Variants in F2RL1 observed in about 807,000 individuals in gnomAD.
F2RL1 encodes the protein F2R like trypsin receptor 1.
Under a neutral mutation model 21.7 loss-of-function variants are expected in F2RL1, and 16 were observed. The ratio of observed to expected loss-of-function variants is 0.74; its 90% CI spans 0.50 to 1.12. The LOEUF is 1.12. Ranked by LOEUF, F2RL1 falls within the 50% of genes most tolerant of loss-of-function variation. The pLI, the probability that F2RL1 is intolerant of heterozygous loss-of-function variation, is 0.00. For synonymous variants in F2RL1, 181 were observed against 186.7 expected, an observed-to-expected ratio of 0.97 and a Z score of 0.25; for missense variants, 432 against 477.8, an observed-to-expected ratio of 0.90 and a Z score of 0.89.
At chr5:76,826,219 C>T (rs1750235063) in intron 1 of F2RL1, among the ~76,000 whole-genome samples, 1 of 151,860 alleles carries the variant, frequency 6.6e-6, no homozygotes, top group South Asian at 2.1e-4. Flanking sequence ...AGATAATTTG[C>T]ACACCATACA....
rs1426256619 is a variant in F2RL1 at position 76,834,918 on chromosome 5, C to A, written c.*1117C>A. 1 of 152,192 alleles carries A rather than the reference C, an allele frequency of 6.6e-6. No homozygotes were observed. The highest frequency in any genetic ancestry group is 1.5e-5 in the Non-Finnish European group (1 of 68,010). The allele number at this position is 152,192 out of a possible 1,614,324, so 9.4% of individuals were successfully genotyped here. A position where few individuals can be genotyped will look rare whatever the true frequency, so the allele number is the denominator to read the frequency against. ...GACTTTGAATTATTTCTTTATTAAC[C>A]CTCTGAGTTTTTGTATGTATTATTA... On this transcript the variant is annotated 3_prime_UTR_variant, in exon 2 of 2. Coordinates refer to ENST00000296677, the MANE Select transcript of F2RL1 (RefSeq NM_005242.6).
Position 76,832,804 on chromosome 5 carries a change from C to T in F2RL1, c.197C>T (p.Ala66Val). 3.1e-6 allele frequency: 5 copies of T among 1,614,250 alleles called. No homozygotes were observed. Among genetic ancestry groups the T allele is most frequent in the Non-Finnish European group, 4.2e-6 (5 of 1,180,048 alleles). The change falls in exon 2 of 2, where the codon GCA (alanine) becomes GTA (valine). Residue 66 changes from alanine (A) to valine (V), a missense_variant. By Grantham distance (64) the Ala-to-Val change is moderately conservative. Coordinates refer to ENST00000296677, the MANE Select transcript of F2RL1 (RefSeq NM_005242.6). ...GTCTTTTCTGTGGATGAGTTTTCTGCATCTGTCCTCACTGGAAAACTGACC... is the reference window on the plus strand; with the variant it reads ...GTCTTTTCTGTGGATGAGTTTTCTGTATCTGTCCTCACTGGAAAACTGACC... ...ETVFSVDEFSASVLTGKLTTV... is the reference protein window; with the variant it reads ...ETVFSVDEFSVSVLTGKLTTV...
intron 1 of F2RL1, among the ~76,000 whole-genome samples, chr5:76,831,535 A>ATTTTTT (rs3053251): frequency 7.5e-6 from 1 of 134,162 alleles, no homozygotes; most frequent in Non-Finnish European, 1.6e-5. Flanking sequence ...TCCTAAACTG[A>ATTTTTT]TTTTTTTTTT....
At chr5:76,821,255 T>C (rs1750129199) in intron 1 of F2RL1, among the ~76,000 whole-genome samples, 1 of 152,190 alleles carries the variant, frequency 6.6e-6, no homozygotes, top group African/African-American at 2.4e-5. Flanking sequence ...TAGTAATTGA[T>C]AATTATTTGG....
In F2RL1 at chr5:76,832,796, G is replaced by A. The variant is rs754704702; in HGVS notation, c.189G>A (p.Glu63=). 5.0e-6 allele frequency: 8 copies of A among 1,614,106 alleles called. No individual in the cohort carries two copies. The Admixed American group carries it at 1.2e-4, about 24-fold the overall frequency. Residue 63 remains glutamate (E), a synonymous_variant, in exon 2 of 2, where the codon GAG becomes GAA. Transcript: ENST00000296677. ...VTVETVFSVD[E]FSASVLTGKL... ...TTGAAACAGTCTTTTCTGTGGATGA[G>A]TTTTCTGCATCTGTCCTCACTGGAA...
rs1750380427 is a variant in F2RL1, at chr5:76,833,080, A to G, written c.473A>G (p.Asn158Ser). The G allele has an allele frequency of 6.2e-7, 1 of 1,614,084 alleles. No homozygotes were observed. Among genetic ancestry groups the G allele is most frequent in the Non-Finnish European group, 8.5e-7 (1 of 1,180,048 alleles). ...CNVLIGFFYG[N>S]MYCSILFMTC... ...GTGCTTATTGGCTTTTTCTATGGCA[A>G]CATGTACTGTTCCATTCTCTTCATG... The change falls in exon 2 of 2, where the codon AAC becomes AGC. Residue 158 changes from asparagine (N) to serine (S), a missense_variant. By Grantham distance (46) the Asn-to-Ser change is conservative (BLOSUM62 1). Coordinates refer to ENST00000296677, the MANE Select transcript of F2RL1 (RefSeq NM_005242.6).
In F2RL1 at chr5:76,833,760, T is replaced by G; in HGVS notation, c.1153T>G (p.Ser385Ala). 1 of 1,614,022 alleles carries G rather than the reference T, an allele frequency of 6.2e-7. No individual in the cohort carries two copies. Among genetic ancestry groups the G allele is most frequent in the Non-Finnish European group, 8.5e-7 (1 of 1,180,022 alleles). Residue 385 changes from serine (S) to alanine (A), a missense_variant, in exon 2 of 2, where the codon TCT (serine) becomes GCT (alanine). Ser to Ala is a moderately conservative substitution (Grantham distance 99, BLOSUM62 1). Transcript: ENST00000296677. The stretch of plus-strand genomic sequence containing the variant: ...AAAGAAACACTCCAGGAAATCCAGC[T>G]CTTACTCTTCAAGTTCAACCACTGT... ...TSKKHSRKSSSYSSSSTTVKT... is the reference protein window; with the variant it reads ...TSKKHSRKSSAYSSSSTTVKT...
intron 1 of F2RL1, among the ~76,000 whole-genome samples, chr5:76,826,636 G>T (rs1750244414): frequency 6.6e-6 from 1 of 150,632 alleles, no homozygotes; most frequent in African/African-American, 2.4e-5. Flanking sequence ...CTCCTGAGTA[G>T]TTGGGACTGT....
chr5:76,833,439 T>G lies in F2RL1; in HGVS notation c.832T>G (p.Ser278Ala). 6.2e-7 allele frequency: 1 copy of G among 1,613,798 alleles called. No individual in the cohort carries two copies. The highest frequency in any genetic ancestry group is 8.5e-7 in the Non-Finnish European group (1 of 1,179,976). The change falls in exon 2 of 2, where the codon TCA becomes GCA. Residue 278 changes from serine to alanine, a missense_variant. By Grantham distance (99) the Ser-to-Ala change is moderately conservative. Transcript: ENST00000296677. Reference protein sequence around the residue: ...MLRSSAMDENSEKKRKRAIKL... With the variant: ...MLRSSAMDENAEKKRKRAIKL... ...GCGATCTTCTGCCATGGATGAAAAC[T>G]CAGAGAAGAAAAGGAAGAGGGCCAT...
Position 76,833,398 on chromosome 5 carries a change from T to C in F2RL1, c.791T>C (p.Leu264Pro), listed in dbSNP as rs778105912. 1.2e-6 allele frequency: 2 copies of C among 1,614,020 alleles called. No individual in the cohort carries two copies. The highest frequency in any genetic ancestry group is 2.2e-5 in the South Asian group (2 of 91,068). The stretch of plus-strand genomic sequence containing the variant: ...TTCCTCACAGCCTCTGCCTATGTGC[T>C]GATGATCAGAATGCTGCGATCTTCT... Reference protein sequence around the residue: ...PAFLTASAYVLMIRMLRSSAM... With the variant: ...PAFLTASAYVPMIRMLRSSAM... Residue 264 changes from leucine (L) to proline (P), a missense_variant, in exon 2 of 2, where the codon CTG becomes CCG. Physicochemically the swap from Leu to Pro is moderately conservative, Grantham distance 98. Coordinates refer to ENST00000296677, the MANE Select transcript of F2RL1 (RefSeq NM_005242.6).
rs1260314708 is a variant in F2RL1 at position 76,834,728 on chromosome 5, T to C, written c.*927T>C. The C allele has an allele frequency of 6.6e-6, 1 of 152,192 alleles. No individual in the cohort carries two copies. The highest frequency in any genetic ancestry group is 1.9e-4 in the East Asian group (1 of 5,196). 9.4% of individuals were successfully genotyped at this position (152,192 alleles called of 1,614,324 possible). A position where few individuals can be genotyped will look rare whatever the true frequency, so the allele number is the denominator to read the frequency against. On this transcript the variant is annotated 3_prime_UTR_variant, in exon 2 of 2. Transcript: ENST00000296677. ...TGGGAACAGGGCCCAGGAATCTGTG[T>C]GGTACAAACCTGCATGGTGTTTATG...
chr5:76,829,561 A>G (rs745429574), intron 1 of F2RL1, among the ~76,000 whole-genome samples: 14 of 152,174 alleles, frequency 9.2e-5, no homozygotes, highest in Non-Finnish European at 1.5e-4. Context: ...TTCCACAATA[A>G]CTGCACCAGT....
intron 1 of F2RL1, among the ~76,000 whole-genome samples, chr5:76,825,303 C>G (rs1750218747): frequency 6.6e-6 from 1 of 152,074 alleles, no homozygotes; most frequent in African/African-American, 2.4e-5. Flanking sequence ...CCATGCCTGG[C>G]CAGTTTCTTT....
At chr5:76,820,244 G>T (rs1331566019) in intron 1 of F2RL1, among the ~76,000 whole-genome samples, 2 of 152,200 alleles carry the variant, frequency 1.3e-5, no homozygotes, top group African/African-American at 2.4e-5. Flanking sequence ...GGCCGTGGGG[G>T]ATGTTTGACC....
intron 1 of F2RL1, among the ~76,000 whole-genome samples, chr5:76,819,809 C>G (rs889839529): frequency 2.0e-5 from 3 of 152,098 alleles, no homozygotes; most frequent in East Asian, 1.9e-4. Flanking sequence ...GCGTCCCTCT[C>G]CAACTGCTGG....
chr5:76,820,170 T>A (rs752666656), intron 1 of F2RL1, among the ~76,000 whole-genome samples: 21 of 152,144 alleles, frequency 1.4e-4, no homozygotes, highest in Non-Finnish European at 2.5e-4. Context: ...GATGTGCTGC[T>A]CCGGGTGTGC....
At chr5:76,820,789 A>G (rs1750118694) in intron 1 of F2RL1, among the ~76,000 whole-genome samples, 1 of 152,306 alleles carries the variant, frequency 6.6e-6, no homozygotes, top group Middle Eastern at 3.4e-3. Flanking sequence ...TGATTTAACA[A>G]TAAGGAAAAA....
At chr5:76,824,727 A>G (rs1750207799) in intron 1 of F2RL1, among the ~76,000 whole-genome samples, 1 of 152,292 alleles carries the variant, frequency 6.6e-6, no homozygotes, top group Admixed American at 6.5e-5. Flanking sequence ...AGCTTTGTGC[A>G]CTTTAGCTGG....
At chr5:76,826,173 T>G (rs1312691583) in intron 1 of F2RL1, among the ~76,000 whole-genome samples, 1 of 149,706 alleles carries the variant, frequency 6.7e-6, no homozygotes, top group Non-Finnish European at 1.5e-5. Flanking sequence ...CAAGCCTGTG[T>G]TTTTTTTTTA....
Sources: allele counts gnomAD v4.1 joint callset (sites outside exome capture counted in the v4.1 genomes callset), GRCh38; gene constraint gnomAD v4.1.1; transcripts MANE v1.5; gene names NCBI Gene and HGNC (gene_info 2026-07-23, HGNC 2026-07-21).